FCRL2: variants seen among roughly 807,000 people sequenced by gnomAD.
The protein encoded by FCRL2 is Fc receptor-like protein 2.
A neutral mutation model predicts 59.8 loss-of-function variants in FCRL2; 48 were observed. That is an observed-to-expected ratio of 0.80 (90% CI 0.64 to 1.02). The LOEUF is 1.02. Among genes scored for constraint, FCRL2 ranks in the 50% least tolerant of loss-of-function variants. FCRL2 has a pLI of 0.00. For synonymous variants in FCRL2, 251 were observed against 229.5 expected, an observed-to-expected ratio of 1.09 and a Z score of -0.85; for missense variants, 658 against 597.3, an observed-to-expected ratio of 1.10 and a Z score of -1.06.
chr1:157,761,528 G>A (rs1473678254), intron 7 of FCRL2, among the ~76,000 whole-genome samples: 1 of 152,138 alleles, frequency 6.6e-6, no homozygotes, highest in Non-Finnish European at 1.5e-5. Context: ...AGGGTGGTTT[G>A]AGCCTGGCAG....
At chr1:157,767,704 G>A in intron 5 of FCRL2, 195 bp from the exon 6 acceptor site, 1 of 1,557,300 alleles carries the variant, frequency 6.4e-7, no homozygotes, top group East Asian at 2.3e-5. Flanking sequence ...ATCAGTTCTG[G>A]GTGCTGCCTG....
intron 8 of FCRL2, 111 bp from the exon 9 acceptor site, chr1:157,749,071 C>G (rs1472765256): frequency 9.2e-6 from 8 of 869,042 alleles, no homozygotes; most frequent in Non-Finnish European, 1.5e-5. Flanking sequence ...TGGCTCTCTG[C>G]TTGGGTGATT....
At chr1:157,748,727 A>T in intron 9 of FCRL2, 109 bp from the exon 10 acceptor site, 1 of 1,202,428 alleles carries the variant, frequency 8.3e-7, no homozygotes, top group Non-Finnish European at 1.2e-6. Context: ...CTCAACCCCA[A>T]CATGATTCTG....
At chr1:157,770,208 A>G in intron 3 of FCRL2, 58 bp from the exon 4 acceptor site, 1 of 1,582,718 alleles carries the variant, frequency 6.3e-7, no homozygotes, top group East Asian at 2.3e-5. Flanking sequence ...TCCTGCTGAA[A>G]AGCCTCTGGC....
At chr1:157,753,555 C>T (rs1439580586) in intron 7 of FCRL2, among the ~76,000 whole-genome samples, 1 of 152,198 alleles carries the variant, frequency 6.6e-6, no homozygotes, top group Non-Finnish European at 1.5e-5. Context: ...GAATGGGGTG[C>T]TCTACCCTCC....
chr1:157,748,424 G>GTAGA lies in FCRL2; in HGVS notation c.1459+125_1459+128dup, dbSNP rs1407814413. ...GGCAACAGAGCAAGGCTCCTCAAAA[G>GTAGA]TAGATAGATAGATAGACAAATAAAT... On this transcript the variant is annotated intron_variant, in intron 10 of 11. Coordinates refer to ENST00000361516, the MANE Select transcript of FCRL2 (RefSeq NM_030764.4). The GTAGA allele has an allele frequency of 4.0e-4, 150 of 374,938 alleles. No homozygotes were observed. In the Admixed American group the frequency reaches 6.8e-3, roughly 17 times the overall value. The allele number at this position is 374,938 out of a possible 1,614,324, so 23.2% of individuals were successfully genotyped here.
chr1:157,762,670 AAGAC>A (rs1420952053), intron 7 of FCRL2, among the ~76,000 whole-genome samples: 2 of 152,170 alleles, frequency 1.3e-5, no homozygotes, highest in Admixed American at 6.5e-5. Flanking sequence ...GTCAAATACA[AAGAC>A]AGAATTTTTT....
intron 7 of FCRL2, chr1:157,766,634 T>A (rs1395534535): frequency 3.4e-6 from 2 of 583,068 alleles, no homozygotes; most frequent in Non-Finnish European, 5.6e-6. Flanking sequence ...GTAAATAATT[T>A]AATCTCCAGT....
At chr1:157,773,228 T>C (rs1200894185) in intron 2 of FCRL2, among the ~76,000 whole-genome samples, 5 of 152,200 alleles carry the variant, frequency 3.3e-5, no homozygotes, top group African/African-American at 1.2e-4. Flanking sequence ...GTTTCTCAAC[T>C]GAGAAATGGA....
chr1:157,768,752 C>G (rs753589316), intron 4 of FCRL2, 51 bp from the exon 5 acceptor site: 12 of 1,509,108 alleles, frequency 8.0e-6, no homozygotes, highest in Non-Finnish European at 8.9e-6. Flanking sequence ...ACTCTGGGAA[C>G]AGGGTTTGAC....
intron 7 of FCRL2, among the ~76,000 whole-genome samples, chr1:157,759,159 G>A (rs1648832426): frequency 6.6e-6 from 1 of 152,034 alleles, no homozygotes. Flanking sequence ...CACTTTGCTT[G>A]GCACTTCTTT....
chr1:157,748,137 G>A (rs1647895565), intron 10 of FCRL2, among the ~76,000 whole-genome samples: 1 of 152,018 alleles, frequency 6.6e-6, no homozygotes, highest in African/African-American at 2.4e-5. Context: ...CTCTATTGCT[G>A]GCTGGGTGCA....
chr1:157,764,021 C>A (rs1232617501), intron 7 of FCRL2, among the ~76,000 whole-genome samples: 1 of 119,068 alleles, frequency 8.4e-6, no homozygotes, highest in African/African-American at 3.2e-5. Flanking sequence ...TAGTGCGAGA[C>A]TTCATCTCAA....
At chr1:157,760,639 A>AAAAG (rs879312799) in intron 7 of FCRL2, among the ~76,000 whole-genome samples, 92 of 143,166 alleles carry the variant, frequency 6.4e-4, no homozygotes, top group Non-Finnish European at 1.1e-3. Flanking sequence ...AGAAAGAAAG[A>AAAAG]AAAGAAAGAA....
intron 7 of FCRL2, among the ~76,000 whole-genome samples, chr1:157,759,179 C>A (rs1312642460): frequency 6.6e-6 from 1 of 152,134 alleles, no homozygotes; most frequent in Non-Finnish European, 1.5e-5. Context: ...TCTCCTGCTA[C>A]CCTGTGAAGA....
chr1:157,768,436 C>G lies in FCRL2; in HGVS notation c.861G>C (p.Lys287Asn), dbSNP rs773554199. ...CACTTCTCACAGGGATATTCACCAC[C>G]TTGCTCTGGATAGGCACATGGCCGT... is the stretch of plus-strand genomic sequence containing the variant. ...ADNGHVPIQS[K>N]VVNIPVRIPV... The change falls in exon 5 of 12, where the codon AAG becomes AAC. Residue 287 changes from lysine to asparagine, a missense_variant. Transcript: ENST00000361516. 6.2e-7 allele frequency: 1 copy of G among 1,614,074 alleles called. No individual in the cohort carries two copies. The highest frequency in any genetic ancestry group is 1.1e-5 in the South Asian group (1 of 91,060).
intron 8 of FCRL2, 23 bp downstream of exon 8, chr1:157,749,626 AT>A: frequency 6.3e-7 from 1 of 1,590,748 alleles, no homozygotes; most frequent in Non-Finnish European, 8.6e-7. Context: ...TAGAATTAAA[AT>A]TTTTACTAGG....
rs971121438 is a variant in FCRL2 at position 157,777,084 on chromosome 1, T to A, written c.-11A>T. On this transcript the variant is annotated 5_prime_UTR_variant, in exon 1 of 12. Coordinates refer to ENST00000361516, the MANE Select transcript of FCRL2 (RefSeq NM_030764.4). ...TGACCACAGCAGCATGAGGACCTAATCCAGCTATTTGAAAAGAGATGTACT... is the reference window on the plus strand; with the variant it reads ...TGACCACAGCAGCATGAGGACCTAAACCAGCTATTTGAAAAGAGATGTACT... 1.2e-6 allele frequency: 2 copies of A among 1,614,176 alleles called. No individual in the cohort carries two copies. Among genetic ancestry groups the A allele is most frequent in the Non-Finnish European group, 1.7e-6 (2 of 1,180,020 alleles).
chr1:157,751,412 T>C (rs1258089729), intron 7 of FCRL2, among the ~76,000 whole-genome samples: 2 of 152,174 alleles, frequency 1.3e-5, no homozygotes, highest in Non-Finnish European at 2.9e-5. Context: ...AAAAGGGAGA[T>C]GAGGAGCCTA....
Sources: gnomAD v4.1 joint callset for allele counts (sites outside exome capture counted in the v4.1 genomes callset) on GRCh38, gnomAD v4.1.1 for gene constraint, MANE v1.5 for transcripts, NCBI Gene and HGNC (gene_info 2026-07-23, HGNC 2026-07-21) for gene names.